PPP1R36: variants seen among roughly 807,000 people sequenced by gnomAD.
PPP1R36 encodes the protein protein phosphatase 1 regulatory subunit 36, also known as chromosome 14 open reading frame 50.
Under a neutral mutation model 53.4 loss-of-function variants are expected in PPP1R36, and 47 were observed. The ratio of observed to expected loss-of-function variants is 0.88; its 90% CI spans 0.70 to 1.12. The LOEUF (loss-of-function observed/expected upper bound fraction) is 1.12. Ranked by LOEUF, PPP1R36 falls within the 50% of genes most tolerant of loss-of-function variation. PPP1R36 has a pLI of 0.00. For synonymous variants in PPP1R36, 153 were observed against 170.5 expected, an observed-to-expected ratio of 0.90 and a Z score of 0.80; for missense variants, 456 against 513.9, an observed-to-expected ratio of 0.89 and a Z score of 1.09.
intron 3 of PPP1R36, 169 bp downstream of exon 3, chr14:64,553,030 G>A (rs1482913248): frequency 1.8e-6 from 1 of 549,142 alleles, no homozygotes; most frequent in Non-Finnish European, 3.3e-6. Context: ...GGTGGACAGT[G>A]GCATGATCTT....
intron 8 of PPP1R36, among the ~76,000 whole-genome samples, chr14:64,575,906 T>TC (rs920128217): frequency 2.0e-5 from 3 of 152,072 alleles, no homozygotes; most frequent in African/African-American, 7.2e-5. Flanking sequence ...CGCCTCGGCC[T>TC]CCCAAAGTGC....
chr14:64,563,690 G>A (rs962332924), intron 3 of PPP1R36, among the ~76,000 whole-genome samples: 10 of 152,130 alleles, frequency 6.6e-5, no homozygotes, highest in Admixed American at 5.2e-4. Flanking sequence ...TCTCATTATT[G>A]ATATCCATAT....
At chr14:64,561,863 CA>C (rs1463040434) in intron 3 of PPP1R36, 3 of 454,638 alleles carry the variant, frequency 6.6e-6, no homozygotes, top group Non-Finnish European at 1.3e-5. Context: ...CCCCTGAGGA[CA>C]TAAAACCAAG....
At position 64,568,378 on chromosome 14, in the gene PPP1R36, C is replaced by T; in HGVS notation, c.464C>T (p.Ala155Val). ...AAGAATCTTGATAATTTCCTCATGG[C>T]ATTATTGTACTACTTATCCCATTAC... is the stretch of plus-strand genomic sequence containing the variant. Reference protein sequence around the residue: ...RNKNLDNFLMALLYYLSHYLE... With the variant: ...RNKNLDNFLMVLLYYLSHYLE... Residue 155 changes from alanine to valine, a missense_variant, in exon 7 of 12, where the codon GCA (alanine) becomes GTA (valine). Physicochemically the swap from Ala to Val is moderately conservative, Grantham distance 64 (BLOSUM62 0). Coordinates refer to ENST00000298705, the MANE Select transcript of PPP1R36 (RefSeq NM_172365.3). The T allele has an allele frequency of 6.5e-7, 1 of 1,547,420 alleles. No individual in the cohort carries two copies. The highest frequency in any genetic ancestry group is 8.8e-7 in the Non-Finnish European group (1 of 1,138,466).
At chr14:64,552,973 C>CA in intron 3 of PPP1R36, 112 bp downstream of exon 3, 1 of 972,594 alleles carries the variant, frequency 1.0e-6, no homozygotes. Flanking sequence ...TATTAAGTGC[C>CA]AATTTTTTTT....
chr14:64,587,229 T>C lies in PPP1R36; in HGVS notation c.747T>C (p.Ile249=). Residue 249 remains isoleucine (I), a synonymous_variant, in exon 10 of 12, where the codon ATT becomes ATC. Transcript: ENST00000298705. ...FYTFCTYVAW[I]VFRRQHLTEI... ...CTTTCTGTACATATGTGGCTTGGATTGTCTTCCGACGTCAACACTTGACAG... is the reference window on the plus strand; with the variant it reads ...CTTTCTGTACATATGTGGCTTGGATCGTCTTCCGACGTCAACACTTGACAG... 6.2e-7 allele frequency: 1 copy of C among 1,613,278 alleles called. No individual in the cohort carries two copies. The highest frequency in any genetic ancestry group is 8.5e-7 in the Non-Finnish European group (1 of 1,179,618).
intron 7 of PPP1R36, among the ~76,000 whole-genome samples, chr14:64,574,154 C>A (rs2080324807): frequency 6.6e-6 from 1 of 152,076 alleles, no homozygotes; most frequent in South Asian, 2.1e-4. Context: ...AGGGGAGGAT[C>A]ACTTGAGTCC....
chr14:64,572,176 C>T (rs1453060587), intron 7 of PPP1R36, among the ~76,000 whole-genome samples: 1 of 152,044 alleles, frequency 6.6e-6, no homozygotes, highest in Non-Finnish European at 1.5e-5. Context: ...GAATAAATTT[C>T]CAGGAGAGAT....
chr14:64,561,983 T>C (rs1031592702), intron 3 of PPP1R36: 3 of 350,462 alleles, frequency 8.6e-6, no homozygotes, highest in Non-Finnish European at 1.7e-5. Flanking sequence ...ATTTACGTGA[T>C]GGATTCTAGA....
intron 8 of PPP1R36, among the ~76,000 whole-genome samples, chr14:64,585,368 T>A (rs1190885726): frequency 6.6e-6 from 1 of 151,754 alleles, no homozygotes; most frequent in African/African-American, 2.4e-5. Context: ...ATACAAAAAT[T>A]AGCTGGTCAT....
chr14:64,563,541 C>T (rs1408074903), intron 3 of PPP1R36, among the ~76,000 whole-genome samples: 2 of 151,820 alleles, frequency 1.3e-5, no homozygotes, highest in Non-Finnish European at 2.9e-5. Context: ...CTTTTGGTAG[C>T]TAACCTACAA....
chr14:64,563,774 T>C (rs1193344114), intron 3 of PPP1R36, among the ~76,000 whole-genome samples: 1 of 152,172 alleles, frequency 6.6e-6, no homozygotes, highest in Non-Finnish European at 1.5e-5. Flanking sequence ...GAGGGACACA[T>C]AACTTTGGGC....
chr14:64,563,816 G>A (rs1665750229), intron 3 of PPP1R36, among the ~76,000 whole-genome samples: 1 of 152,196 alleles, frequency 6.6e-6, no homozygotes, highest in Non-Finnish European at 1.5e-5. Flanking sequence ...TGTTATCAAT[G>A]TGGCATTGTT....
rs546143667 is a variant in PPP1R36 at position 64,558,881 on chromosome 14, C to T, written c.183-5870C>T. 2.2e-4 allele frequency among the ~76,000 whole-genome samples: 33 copies of T among 152,108 alleles called. No homozygotes were observed. The East Asian group carries it at 5.8e-3, about 27-fold the overall frequency. On this transcript the variant is annotated intron_variant, in intron 3 of 11. Transcript: ENST00000298705. Reference sequence around the variant, plus strand: ...AAACTCCTGACCTCAGGTGATCTGCCCGCCTCGGCCTCCCAAAGTGCTGGG... The same window carrying T: ...AAACTCCTGACCTCAGGTGATCTGCTCGCCTCGGCCTCCCAAAGTGCTGGG...
chr14:64,565,543 A>G, intron 5 of PPP1R36, 83 bp from the exon 6 acceptor site: 1 of 1,424,686 alleles, frequency 7.0e-7, no homozygotes, highest in Non-Finnish European at 9.9e-7. Flanking sequence ...ATCTACATAT[A>G]ACATCCATAC....
intron 11 of PPP1R36, 74 bp from the exon 12 acceptor site, chr14:64,589,078 A>G (rs1201102907): frequency 9.1e-7 from 1 of 1,102,070 alleles, no homozygotes; most frequent in African/African-American, 1.6e-5. Flanking sequence ...ACACACAACC[A>G]CAATCACAGT....
intron 1 of PPP1R36, 156 bp downstream of exon 1, chr14:64,550,222 A>AC: frequency 1.5e-6 from 2 of 1,369,150 alleles, no homozygotes; most frequent in East Asian, 2.8e-5. Context: ...ATATTTGCCT[A>AC]GAAAAAAAAA....
At chr14:64,562,561 T>G (rs896889257) in intron 3 of PPP1R36, among the ~76,000 whole-genome samples, 1 of 152,170 alleles carries the variant, frequency 6.6e-6, no homozygotes, top group African/African-American at 2.4e-5. Flanking sequence ...ACTCACAAAG[T>G]GGAACCTGTC....
rs781331363 is a variant in PPP1R36 at position 64,588,099 on chromosome 14, G to T, written c.891-5G>T. The T allele has an allele frequency of 6.3e-7, 1 of 1,591,620 alleles. No individual in the cohort carries two copies. Among genetic ancestry groups the T allele is most frequent in the Admixed American group, 1.7e-5 (1 of 57,716 alleles). On this transcript the variant is annotated splice_polypyrimidine_tract_variant and splice_region_variant and intron_variant, in intron 10 of 11. Coordinates refer to ENST00000298705, the MANE Select transcript of PPP1R36 (RefSeq NM_172365.3). ...TGACCTAAATGTCACCTTCCTCCCC[G>T]ACAGGAGAATGATGGCAAAACGCCC...
Sources: allele counts gnomAD v4.1 joint callset (sites outside exome capture counted in the v4.1 genomes callset), GRCh38; gene constraint gnomAD v4.1.1; transcripts MANE v1.5; gene names NCBI Gene and HGNC (gene_info 2026-07-23, HGNC 2026-07-21).